The following ASXL2 variants were observed in gnomAD, a reference collection of about 807,000 sequenced individuals.
ASXL2 encodes the protein putative Polycomb group protein ASXL2.
ASXL2 carries 23 observed loss-of-function variants against 122.0 expected under a neutral mutation model. The ratio of observed to expected loss-of-function variants is 0.19; its 90% CI spans 0.14 to 0.27. The LOEUF (loss-of-function observed/expected upper bound fraction) is 0.27, where lower values mean the gene tolerates loss of function less well. ASXL2 is among the 10% of genes least tolerant of loss of function. The pLI is 1.00. For synonymous variants in ASXL2, 650 were observed against 637.0 expected (o/e 1.02, Z -0.31); for missense variants, 1,518 against 1,713.8 (o/e 0.89, Z 2.02).
chr2:25,861,516 T>C (rs942390731), intron 1 of ASXL2, among the ~76,000 whole-genome samples: 28 of 152,360 alleles, frequency 1.8e-4, no homozygotes, highest in Middle Eastern at 3.4e-3. Context: ...ATGGGTTTAC[T>C]AGTGAACTCC....
At chr2:25,865,774 C>CAAAA (rs61021417) in intron 1 of ASXL2, among the ~76,000 whole-genome samples, 1 of 55,536 alleles carries the variant, frequency 1.8e-5, no homozygotes, top group African/African-American at 7.5e-5. Context: ...GACTCCGTCT[C>CAAAA]AAAAAAAAAA....
chr2:25,744,487 T>A lies in ASXL2; in HGVS notation c.1861-11A>T, dbSNP rs142755541. The A allele has an allele frequency of 6.3e-7, 1 of 1,575,320 alleles. No homozygotes were observed. Among genetic ancestry groups the A allele is most frequent in the South Asian group, 1.1e-5 (1 of 86,990 alleles). ...TCTGGAGACCGGGATCTGAAAGAAG[T>A]AGAGGGGAAAAAAACAACAGAGCTT... On this transcript the variant is annotated splice_polypyrimidine_tract_variant and intron_variant, in intron 12 of 12. Coordinates refer to ENST00000435504, the MANE Select transcript of ASXL2 (RefSeq NM_018263.6). This position sits in a 1 kb window ranked among gnomAD's most constrained non-coding sequence, Gnocchi z 4.7.
In ASXL2 at chr2:25,741,179, G is replaced by A. The variant is rs961526108; in HGVS notation, c.*850C>T. 2.7e-5 allele frequency: 6 copies of A among 220,638 alleles called. No individual in the cohort carries two copies. The highest frequency in any genetic ancestry group is 5.4e-5 in the Non-Finnish European group (6 of 110,284). 13.7% of individuals were successfully genotyped at this position (220,638 alleles called of 1,614,324 possible). ...GTATTTCAAAATTGTTAGTTACCAC[G>A]AATGACTAAGTGCGGGGATAGGGTA... On this transcript the variant is annotated 3_prime_UTR_variant, in exon 13 of 13. Transcript: ENST00000435504.
chr2:25,866,089 T>C (rs2089900497), intron 1 of ASXL2, among the ~76,000 whole-genome samples: 1 of 151,988 alleles, frequency 6.6e-6, no homozygotes, highest in Non-Finnish European at 1.5e-5. Context: ...AAATATACAA[T>C]TTTTAAGATT....
chr2:25,798,297 C>G (rs1047495973), intron 5 of ASXL2, among the ~76,000 whole-genome samples: 1 of 152,084 alleles, frequency 6.6e-6, no homozygotes, highest in African/African-American at 2.4e-5. Flanking sequence ...CGGAACAAAC[C>G]TGCACCTGTA....
In ASXL2 at chr2:25,743,645, T is replaced by C; in HGVS notation, c.2692A>G (p.Lys898Glu). ...TSLLTTATLE[K>E]LPVPQVSATT... is the part of the protein sequence containing the mutation. ...GCACTGACCTGGGGTACAGGAAGCT[T>C]TTCTAAAGTGGCTGTGGTCAATAAA... The change falls in exon 13 of 13, where the codon AAG becomes GAG. Residue 898 changes from lysine (K) to glutamate (E), a missense_variant. Physicochemically the swap from Lys to Glu is moderately conservative, Grantham distance 56. Transcript: ENST00000435504. The C allele has an allele frequency of 1.2e-6, 2 of 1,613,872 alleles. No homozygotes were observed. The highest frequency in any genetic ancestry group is 1.7e-6 in the Non-Finnish European group (2 of 1,179,864).
Position 25,739,370 on chromosome 2 carries a change from T to G in ASXL2, c.*2659A>C, listed in dbSNP as rs949277352. 3 of 132,936 alleles carry G rather than the reference T, an allele frequency of 2.3e-5. No individual in the cohort carries two copies. Among genetic ancestry groups the G allele is most frequent in the African/African-American group, 6.4e-5 (2 of 31,120 alleles). 8.2% of individuals were successfully genotyped at this position (132,936 alleles called of 1,614,324 possible). On this transcript the variant is annotated 3_prime_UTR_variant, in exon 13 of 13. Transcript: ENST00000435504. ...TTCTAAAAGGCCAGATTGTAATGTG[T>G]TTTTTTTTTTTTTAATTTTTCTGTT...
At chr2:25,783,731 G>A (rs2088686139) in intron 5 of ASXL2, among the ~76,000 whole-genome samples, 1 of 151,880 alleles carries the variant, frequency 6.6e-6, no homozygotes, top group Non-Finnish European at 1.5e-5. Context: ...AGACCAGCCT[G>A]GGCAACGTGG....
intron 5 of ASXL2, among the ~76,000 whole-genome samples, chr2:25,785,705 C>T (rs1046052817): frequency 3.3e-5 from 5 of 151,560 alleles, no homozygotes; most frequent in African/African-American, 4.9e-5. Flanking sequence ...CACCACCACG[C>T]CTGGCTCACT....
intron 8 of ASXL2, among the ~76,000 whole-genome samples, chr2:25,765,239 A>C (rs1415862727): frequency 3.3e-5 from 5 of 152,150 alleles, no homozygotes; most frequent in Non-Finnish European, 7.4e-5. Flanking sequence ...TAATCCCAGC[A>C]CTTTAGGAGG....
intron 3 of ASXL2, among the ~76,000 whole-genome samples, chr2:25,828,115 TTTAGA>T (rs2089400182): frequency 6.6e-6 from 1 of 152,078 alleles, no homozygotes; most frequent in African/African-American, 2.4e-5. Context: ...TTCAATATTA[TTTAGA>T]TTAGATAATT....
chr2:25,838,565 C>G (rs572714061), intron 2 of ASXL2, among the ~76,000 whole-genome samples: 2 of 152,224 alleles, frequency 1.3e-5, no homozygotes, highest in African/African-American at 4.8e-5. Context: ...ATTTGGGAGG[C>G]TGGAGTTTGA....
At chr2:25,832,781 A>C (rs565094605) in intron 3 of ASXL2, among the ~76,000 whole-genome samples, 15 of 152,364 alleles carry the variant, frequency 9.8e-5, no homozygotes, top group African/African-American at 3.6e-4. Flanking sequence ...GCCTGGAAAC[A>C]ATTCAGATAT....
intron 3 of ASXL2, among the ~76,000 whole-genome samples, chr2:25,829,550 T>C (rs1389669809): frequency 6.6e-6 from 1 of 152,190 alleles, no homozygotes; most frequent in East Asian, 1.9e-4. Flanking sequence ...CTAACACTAC[T>C]TATTACAATT....
chr2:25,846,245 T>C (rs1032616167), intron 1 of ASXL2, among the ~76,000 whole-genome samples: 1 of 152,214 alleles, frequency 6.6e-6, no homozygotes, highest in East Asian at 1.9e-4. Context: ...TTTTCCCCCC[T>C]TTCCTTTTTC....
intron 3 of ASXL2, among the ~76,000 whole-genome samples, chr2:25,823,318 C>T (rs947789589): frequency 2.0e-5 from 3 of 152,044 alleles, no homozygotes; most frequent in East Asian, 1.9e-4. Context: ...TCTCAGCTTA[C>T]GGAAAGAGAA....
intron 8 of ASXL2, among the ~76,000 whole-genome samples, chr2:25,761,568 G>C (rs573978441): frequency 6.6e-6 from 1 of 151,650 alleles, no homozygotes; most frequent in African/African-American, 2.4e-5. Flanking sequence ...AGCTACTCGG[G>C]AGGCTGAGGC....
intron 3 of ASXL2, among the ~76,000 whole-genome samples, chr2:25,821,256 C>G (rs184422567): frequency 4.6e-5 from 7 of 152,076 alleles, no homozygotes; most frequent in Admixed American, 1.3e-4. Context: ...ACTCCAGAAG[C>G]TGAGATGAGA....
In ASXL2 at chr2:25,738,379, C is replaced by A. The variant is rs1474104659; in HGVS notation, c.*3650G>T. ...TGAAACATGGTAGGAAAGGCCCCTG[C>A]CTATCACCATGTTTCTCAAAGTCTC... is the stretch of plus-strand genomic sequence containing the variant. On this transcript the variant is annotated 3_prime_UTR_variant, in exon 13 of 13. Transcript: ENST00000435504. 1 of 152,126 alleles carries A rather than the reference C, an allele frequency of 6.6e-6. No homozygotes were observed. Among genetic ancestry groups the A allele is most frequent in the African/African-American group, 2.4e-5 (1 of 41,444 alleles). The allele number at this position is 152,126 out of a possible 1,614,324, so 9.4% of individuals were successfully genotyped here.
Sources: gnomAD v4.1 joint callset for allele counts (sites outside exome capture counted in the v4.1 genomes callset) on GRCh38, gnomAD v4.1.1 for gene constraint, Gnocchi (gnomAD v3.1) non-coding constraint, MANE v1.5 for transcripts, NCBI Gene and HGNC (gene_info 2026-07-23, HGNC 2026-07-21) for gene names.